The following GPC5 variants were observed in gnomAD, a reference collection of about 807,000 sequenced individuals.
GPC5 encodes the protein glypican-5.
GPC5 carries 47 observed loss-of-function variants against 53.9 expected under a neutral mutation model. The observed-to-expected ratio is 0.87, with a 90% CI of 0.69 to 1.11. The LOEUF (loss-of-function observed/expected upper bound fraction) is 1.11. Ranked by LOEUF, GPC5 falls within the 50% of genes most tolerant of loss-of-function variation. The pLI is 0.00. For missense variants in GPC5, 748 were observed against 713.1 expected, an observed-to-expected ratio of 1.05 and a Z score of -0.56; for synonymous variants, 286 against 263.3, an observed-to-expected ratio of 1.09 and a Z score of -0.84.
chr13:91,420,624 G>A (rs1878549706), intron 1 of GPC5, among the ~76,000 whole-genome samples: 1 of 152,006 alleles, frequency 6.6e-6, no homozygotes, highest in Non-Finnish European at 1.5e-5. Flanking sequence ...CTCTCATATG[G>A]TTTGGTTCTG....
intron 2 of GPC5, among the ~76,000 whole-genome samples, chr13:91,562,215 A>T (rs200362966): frequency 1.0e-5 from 1 of 98,976 alleles, no homozygotes; most frequent in Admixed American, 1.1e-4. Flanking sequence ...AAAAAAAAAA[A>T]TAGAGAATTC....
chr13:92,446,415 C>G (rs1425545940), intron 7 of GPC5: 1 of 150,008 alleles, frequency 6.7e-6, no homozygotes, highest in Non-Finnish European at 1.5e-5. Context: ...CATGTTATTG[C>G]AAAGGACAGG....
intron 6 of GPC5, among the ~76,000 whole-genome samples, chr13:92,092,320 T>C (rs1286693416): frequency 1.3e-5 from 2 of 152,194 alleles, no homozygotes; most frequent in Non-Finnish European, 2.9e-5. Context: ...AGTTATTTTC[T>C]AGACAAATTT....
At chr13:92,677,024 T>C (rs1033042668) in intron 7 of GPC5, among the ~76,000 whole-genome samples, 28 of 152,204 alleles carry the variant, frequency 1.8e-4, no homozygotes, top group African/African-American at 6.3e-4. Flanking sequence ...GTCTTCTTTG[T>C]ATAAATTATG....
At chr13:92,715,700 A>G (rs1454944636) in intron 7 of GPC5, among the ~76,000 whole-genome samples, 1 of 152,186 alleles carries the variant, frequency 6.6e-6, no homozygotes, top group African/African-American at 2.4e-5. Flanking sequence ...CCAAGGATTA[A>G]CCACTGTATA....
At chr13:92,491,804 C>A (rs1237343612) in intron 7 of GPC5, among the ~76,000 whole-genome samples, 1 of 152,118 alleles carries the variant, frequency 6.6e-6, no homozygotes, top group African/African-American at 2.4e-5. Flanking sequence ...TCAATTCTGA[C>A]TAGAAAACCA....
chr13:92,844,600 G>A (rs2138837297), intron 7 of GPC5, among the ~76,000 whole-genome samples: 1 of 152,018 alleles, frequency 6.6e-6, no homozygotes, highest in African/African-American at 2.4e-5. Context: ...AAATGCTTAT[G>A]TTCTCTTCAC....
At chr13:92,767,508 G>A (rs1332407599) in intron 7 of GPC5, among the ~76,000 whole-genome samples, 1 of 152,094 alleles carries the variant, frequency 6.6e-6, no homozygotes, top group African/African-American at 2.4e-5. Flanking sequence ...TTGGATTGGG[G>A]TAAAATTACT....
chr13:92,441,597 G>T (rs1459794431), intron 7 of GPC5, among the ~76,000 whole-genome samples: 2 of 152,060 alleles, frequency 1.3e-5, no homozygotes, highest in African/African-American at 4.8e-5. Flanking sequence ...AGCCACAAAA[G>T]AGTAAAATAC....
At chr13:92,480,816 A>T (rs1174039450) in intron 7 of GPC5, among the ~76,000 whole-genome samples, 1 of 152,204 alleles carries the variant, frequency 6.6e-6, no homozygotes, top group Non-Finnish European at 1.5e-5. Flanking sequence ...AACCTGTCTT[A>T]CCTGGGTGAG....
chr13:92,658,662 A>G (rs1886218636), intron 7 of GPC5, among the ~76,000 whole-genome samples: 1 of 152,192 alleles, frequency 6.6e-6, no homozygotes. Flanking sequence ...TGTCAGACAG[A>G]CAGTGATGCA....
At chr13:92,280,796 T>C (rs1327974981) in intron 7 of GPC5, among the ~76,000 whole-genome samples, 1 of 152,120 alleles carries the variant, frequency 6.6e-6, no homozygotes, top group Non-Finnish European at 1.5e-5. Flanking sequence ...TAGGAACAGC[T>C]CCAGTCTATA....
Position 91,726,813 on chromosome 13 carries a change from A to G in GPC5, c.1021-1719A>G, listed in dbSNP as rs139378449. 5.1e-3 allele frequency among the ~76,000 whole-genome samples: 776 copies of G among 152,122 alleles called. 6 individuals carry two copies. Among genetic ancestry groups the G allele is most frequent in the Middle Eastern group, 0.048 (14 of 294 alleles). On this transcript the variant is annotated intron_variant, in intron 3 of 7. Coordinates refer to ENST00000377067, the MANE Select transcript of GPC5 (RefSeq NM_004466.6). ...GCTGAAGGACCTCCCTTTTTCCTCC[A>G]TCTGCACAGCTGCTGTGATGAGTTT... is the stretch of plus-strand genomic sequence containing the variant.
intron 6 of GPC5, among the ~76,000 whole-genome samples, chr13:92,106,794 C>T (rs1246208580): frequency 6.6e-6 from 1 of 152,008 alleles, no homozygotes; most frequent in Admixed American, 6.6e-5. Context: ...CTTCTAGTCT[C>T]CAACTCTGAA....
rs201860707 is a variant in GPC5 at position 92,543,978 on chromosome 13, G to GT, written c.1562-322294dup. ...GCTATATTGCTTTGTTTTGCTTGTT[G>GT]TTTTTTTTTTAAATACTACATTGCC... is the stretch of plus-strand genomic sequence containing the variant. On this transcript the variant is annotated intron_variant, in intron 7 of 7. Coordinates refer to ENST00000377067, the MANE Select transcript of GPC5 (RefSeq NM_004466.6). Among the ~76,000 whole-genome samples the GT allele has an allele frequency of 4.3e-3, 636 of 147,434 alleles. 4 individuals carry two copies. The highest frequency in any genetic ancestry group is 0.014 in the African/African-American group (560 of 40,348).
chr13:92,529,783 A>G (rs1457813301), intron 7 of GPC5, among the ~76,000 whole-genome samples: 1 of 152,006 alleles, frequency 6.6e-6, no homozygotes, highest in Non-Finnish European at 1.5e-5. Flanking sequence ...ACTAAAATTA[A>G]CAACACGTTA....
intron 6 of GPC5, among the ~76,000 whole-genome samples, chr13:92,131,516 T>C (rs2041743237): frequency 6.6e-6 from 1 of 151,996 alleles, no homozygotes; most frequent in African/African-American, 2.4e-5. Flanking sequence ...GAACTATAGG[T>C]ATATATAAGA....
intron 7 of GPC5, among the ~76,000 whole-genome samples, chr13:92,429,119 T>C (rs958696137): frequency 6.6e-6 from 1 of 152,076 alleles, no homozygotes; most frequent in Non-Finnish European, 1.5e-5. Context: ...TATATTGTTT[T>C]CACCATAAAA....
chr13:92,649,127 T>G (rs2139163032), intron 7 of GPC5, among the ~76,000 whole-genome samples: 1 of 152,242 alleles, frequency 6.6e-6, no homozygotes, highest in South Asian at 2.1e-4. Context: ...AATGGCATAT[T>G]TCTAAATTAA....
Sources: allele counts gnomAD v4.1 joint callset (sites outside exome capture counted in the v4.1 genomes callset), GRCh38; gene constraint gnomAD v4.1.1; transcripts MANE v1.5; gene names NCBI Gene and HGNC (gene_info 2026-07-23, HGNC 2026-07-21).